Variants in PDPR observed in about 807,000 individuals in gnomAD.
PDPR encodes pyruvate dehydrogenase phosphatase regulatory subunit.
Under a neutral mutation model 102.2 loss-of-function variants are expected in PDPR, and 50 were observed. The ratio of observed to expected loss-of-function variants is 0.49; its 90% CI spans 0.39 to 0.62. PDPR has a LOEUF of 0.62. PDPR is among the 20% of genes least tolerant of loss of function. The pLI is 0.00. For synonymous variants in PDPR, 259 were observed against 406.0 expected (o/e 0.64, Z 4.35); for missense variants, 625 against 1,098.2 (o/e 0.57, Z 6.09).
intron 14 of PDPR, 79 bp from the exon 15 acceptor site, chr16:70,144,341 TG>T (rs1210616957): frequency 2.3e-6 from 1 of 427,244 alleles, no homozygotes; most frequent in African/African-American, 2.2e-5. Flanking sequence ...CTCATTGCTT[TG>T]AAACCAAATA....
chr16:70,141,708 G>A (rs1290263401), intron 11 of PDPR, among the ~76,000 whole-genome samples: 10 of 152,276 alleles, frequency 6.6e-5, no homozygotes, highest in Admixed American at 5.2e-4. Flanking sequence ...GCCGTGACAC[G>A]TAGCTCCAGG....
chr16:70,146,245 T>C lies in PDPR; in HGVS notation c.1962+17T>C. ...TTTTGCAAGGTAAGTGCTGATAAAG[T>C]TCTGTTTCTTAAATGGGCAGAGAAT... On this transcript the variant is annotated intron_variant, in intron 16 of 18. Transcript: ENST00000288050. 2.5e-6 allele frequency: 4 copies of C among 1,613,758 alleles called. No homozygotes were observed. Among genetic ancestry groups the C allele is most frequent in the Non-Finnish European group, 3.4e-6 (4 of 1,179,762 alleles).
downstream of PDPR, among the ~76,000 whole-genome samples, chr16:70,162,845 A>AG (rs1438839829): frequency 1.3e-5 from 2 of 152,296 alleles, no homozygotes; most frequent in Admixed American, 6.5e-5. Flanking sequence ...GTGGAAAGCA[A>AG]GGGGGGTCGT....
chr16:70,145,058 G>C (rs1436293335), intron 15 of PDPR, among the ~76,000 whole-genome samples: 2 of 152,172 alleles, frequency 1.3e-5, no homozygotes, highest in Non-Finnish European at 2.9e-5. Flanking sequence ...TTTGAGACCA[G>C]CCTGGCCAAC....
chr16:70,125,398 A>ACC, intron 3 of PDPR, among the ~76,000 whole-genome samples: 1 of 147,206 alleles, frequency 6.8e-6, no homozygotes. Flanking sequence ...AAACAAAAAA[A>ACC]CAAAAATTAG....
chr16:70,142,238 G>A lies in PDPR; in HGVS notation c.1320G>A (p.Leu440=). The A allele has an allele frequency of 6.2e-7, 1 of 1,613,650 alleles. No homozygotes were observed. Among genetic ancestry groups the A allele is most frequent in the East Asian group, 2.2e-5 (1 of 44,890 alleles). ...LRHRVMEVMP[L]MYDLKVPRWD... ...GACTACTCGTGTCTTTTCTAGCTTT[G>A]ATGTATGATCTGAAGGTTCCCCGCT... The change falls in exon 12 of 19, where the codon TTG becomes TTA. Residue 440 remains leucine (L), a synonymous_variant. Transcript: ENST00000288050.
intron 18 of PDPR, 82 bp from the exon 19 acceptor site, chr16:70,156,393 A>C: frequency 6.6e-7 from 1 of 1,519,580 alleles, no homozygotes; most frequent in Non-Finnish European, 9.0e-7. Context: ...CAGTGACACC[A>C]GGGGACCCTT....
In PDPR at chr16:70,153,552, G is replaced by C; in HGVS notation, c.2214G>C (p.Glu738Asp). 1 of 1,607,526 alleles carries C rather than the reference G, an allele frequency of 6.2e-7. No individual in the cohort carries two copies. The highest frequency in any genetic ancestry group is 8.5e-7 in the Non-Finnish European group (1 of 1,177,556). Residue 738 changes from glutamate (E) to aspartate (D), a missense_variant, in exon 18 of 19, where the codon GAG becomes GAC. Transcript: ENST00000288050. The stretch of plus-strand genomic sequence containing the variant: ...CCACGCCCCTGGAATGTGGACGAGA[G>C]TCTCGGGTGAAATTAGAGAAGGTAC... ...NLTTPLECGR[E>D]SRVKLEKGMD...
chr16:70,129,282 TTAA>T (rs1964301146), intron 6 of PDPR, among the ~76,000 whole-genome samples, 160 bp downstream of exon 6: 2 of 152,410 alleles, frequency 1.3e-5, no homozygotes, highest in African/African-American at 4.8e-5. Flanking sequence ...TATTTATCTG[TTAA>T]TGAGTGTTTT....
downstream of PDPR, chr16:70,162,606 C>T (rs575091045): frequency 8.3e-4 from 127 of 152,594 alleles, no homozygotes; most frequent in Admixed American, 1.8e-3. Context: ...GCATAAACAG[C>T]GTGCAGAGGA....
intron 2 of PDPR, among the ~76,000 whole-genome samples, chr16:70,116,924 AGGGGAATGTGCTTAAT>A (rs1362632032): frequency 2.6e-5 from 4 of 151,524 alleles, no homozygotes; most frequent in African/African-American, 9.7e-5. Flanking sequence ...TTTCTCTGTT[AGGGGAATGTGCTTAAT>A]GGTTCAGTCC....
chr16:70,114,535 C>T (rs1470440934), intron 1 of PDPR, 95 bp downstream of exon 1: 1 of 152,206 alleles, frequency 6.6e-6, no homozygotes, highest in Non-Finnish European at 1.5e-5. Flanking sequence ...CCTTTGGTTT[C>T]GCCCGGGGGT....
intron 11 of PDPR, among the ~76,000 whole-genome samples, chr16:70,140,437 C>G (rs1398965463): frequency 6.6e-6 from 1 of 152,258 alleles, no homozygotes; most frequent in Admixed American, 6.5e-5. Flanking sequence ...GGAACCTGTA[C>G]AAATCATAAT....
chr16:70,123,269 C>T (rs189302875), intron 3 of PDPR, among the ~76,000 whole-genome samples: 74 of 152,390 alleles, frequency 4.9e-4, no homozygotes, highest in East Asian at 2.5e-3. Context: ...CAGAGTCTCA[C>T]GCTGTCACTC....
At chr16:70,123,458 A>G (rs1403356858) in intron 3 of PDPR, among the ~76,000 whole-genome samples, 1 of 152,144 alleles carries the variant, frequency 6.6e-6, no homozygotes, top group Non-Finnish European at 1.5e-5. Context: ...GGCTGGCCTC[A>G]AACTCCTGGG....
rs530124400 is a variant in PDPR at position 70,161,232 on chromosome 16, G to A, written c.*4353G>A. ...GGAGGCAGAGGTTGCAGTGAGCTGA[G>A]ATTGCACCACTGCACTCCAGCCTGG... On this transcript the variant is annotated 3_prime_UTR_variant, in exon 19 of 19. Transcript: ENST00000288050. The A allele has an allele frequency of 2.7e-5, 4 of 149,316 alleles. No homozygotes were observed. The highest frequency in any genetic ancestry group is 3.5e-3 in the Middle Eastern group (1 of 288). The allele number at this position is 149,316 out of a possible 1,614,324, so 9.2% of individuals were successfully genotyped here. A position where few individuals can be genotyped will look rare whatever the true frequency, so the allele number is the denominator to read the frequency against.
chr16:70,132,588 G>A (rs1412838830), intron 9 of PDPR, among the ~76,000 whole-genome samples: 4 of 151,814 alleles, frequency 2.6e-5, no homozygotes, highest in Non-Finnish European at 5.9e-5. Flanking sequence ...TCCGTGCTCA[G>A]ACTGGAGTGC....
intron 4 of PDPR, 36 bp downstream of exon 4, chr16:70,127,429 C>T (rs751561848): frequency 6.3e-7 from 1 of 1,594,910 alleles, no homozygotes. Context: ...CTTTGCCTGT[C>T]CCTGAGATTG....
intron 3 of PDPR, among the ~76,000 whole-genome samples, chr16:70,126,805 C>T (rs1964024344): frequency 1.3e-5 from 2 of 152,270 alleles, no homozygotes; most frequent in African/African-American, 4.8e-5. Flanking sequence ...GGATTACAGG[C>T]ATGAGCCACT....
Sources: allele counts gnomAD v4.1 joint callset (sites outside exome capture counted in the v4.1 genomes callset), GRCh38; gene constraint gnomAD v4.1.1; transcripts MANE v1.5; gene names NCBI Gene and HGNC (gene_info 2026-07-23, HGNC 2026-07-21).